EYA4: variants seen among roughly 807,000 people sequenced by gnomAD.
EYA4 encodes the protein protein phosphatase EYA4.
Under a neutral mutation model 87.9 loss-of-function variants are expected in EYA4, and 31 were observed. The ratio of observed to expected loss-of-function variants is 0.35; its 90% CI spans 0.27 to 0.48. The LOEUF is 0.48. Among genes scored for constraint, EYA4 ranks in the 20% least tolerant of loss-of-function variants. The pLI is 0.99. For missense variants in EYA4, 678 were observed against 761.4 expected (o/e 0.89, Z 1.29); for synonymous variants, 263 against 270.6 (o/e 0.97, Z 0.28).
At chr6:133,432,329 T>G (rs1044425583) in intron 3 of EYA4, among the ~76,000 whole-genome samples, 3 of 152,136 alleles carry the variant, frequency 2.0e-5, no homozygotes, top group Admixed American at 6.6e-5. Flanking sequence ...CAATTGAATA[T>G]TTATGCCAGC....
At chr6:133,410,584 CTAACCAAAAAAAAAAAA>C (rs1583205265) in intron 3 of EYA4, among the ~76,000 whole-genome samples, 2 of 147,732 alleles carry the variant, frequency 1.4e-5, no homozygotes, top group East Asian at 4.0e-4. Flanking sequence ...AGAGCTCCTC[CTAACCAAAAAAAAAAAA>C]ACTTCTGTAT....
At chr6:133,444,652 T>C (rs1412782323) in intron 3 of EYA4, among the ~76,000 whole-genome samples, 1 of 152,102 alleles carries the variant, frequency 6.6e-6, no homozygotes, top group Non-Finnish European at 1.5e-5. Flanking sequence ...CATTGACCTG[T>C]CAGTAGATGA....
intron 18 of EYA4, 128 bp downstream of exon 18, chr6:133,523,305 C>A: frequency 1.1e-6 from 1 of 937,804 alleles, no homozygotes. Context: ...TACAAAGTCC[C>A]CTACAACTCA....
At chr6:133,389,000 A>G (rs1425537419) in intron 3 of EYA4, among the ~76,000 whole-genome samples, 3 of 151,734 alleles carry the variant, frequency 2.0e-5, no homozygotes, top group African/African-American at 7.3e-5. Context: ...CACCACTGCT[A>G]CTTGCCTCTC....
chr6:133,337,996 C>G (rs1782504313), intron 2 of EYA4, among the ~76,000 whole-genome samples: 1 of 151,922 alleles, frequency 6.6e-6, no homozygotes, highest in Admixed American at 6.6e-5. Flanking sequence ...ACCAGAAACT[C>G]TGTTTTCGGC....
intron 2 of EYA4, among the ~76,000 whole-genome samples, chr6:133,331,758 A>G (rs1781980413): frequency 6.6e-6 from 1 of 152,218 alleles, no homozygotes; most frequent in African/African-American, 2.4e-5. Flanking sequence ...TGTTGAAGCA[A>G]TTTTTGATTT....
At position 133,450,187 on chromosome 6, in the gene EYA4, G is replaced by A. The variant is rs561069403; in HGVS notation, c.277+2008G>A. 1.4e-4 allele frequency among the ~76,000 whole-genome samples: 22 copies of A among 151,958 alleles called. No homozygotes were observed. The East Asian group carries it at 3.5e-3, about 24-fold the overall frequency. On this transcript the variant is annotated intron_variant, in intron 5 of 19. Coordinates refer to ENST00000355286, the MANE Select transcript of EYA4 (RefSeq NM_004100.5). ...TTTTTAGTAGAGATGGGGTTTCACC[G>A]TGTTAGCCAGGGCGGTCTCGATCTC...
chr6:133,501,564 T>C (rs1171788541), intron 13 of EYA4, among the ~76,000 whole-genome samples: 3 of 152,192 alleles, frequency 2.0e-5, no homozygotes, highest in Admixed American at 6.5e-5. Flanking sequence ...TTATCTCTTA[T>C]GATTTAAAGA....
intron 1 of EYA4, among the ~76,000 whole-genome samples, chr6:133,263,486 C>T (rs1775963920): frequency 6.6e-6 from 1 of 152,076 alleles, no homozygotes. Flanking sequence ...GTTTTATATC[C>T]TAGGGGTTTT....
chr6:133,240,603 T>C (rs1562193185), upstream of EYA4: 2 of 152,444 alleles, frequency 1.3e-5, no homozygotes, highest in South Asian at 2.1e-4. Flanking sequence ...AAGTCGTTGC[T>C]GCCTGACCTT....
chr6:133,355,429 C>T (rs149395991), intron 2 of EYA4, among the ~76,000 whole-genome samples: 5 of 152,140 alleles, frequency 3.3e-5, no homozygotes, highest in Non-Finnish European at 5.9e-5. Flanking sequence ...TGGAATTAGC[C>T]TAAATGCCCA....
intron 13 of EYA4, among the ~76,000 whole-genome samples, chr6:133,501,293 CTGTT>C (rs1305699271): frequency 5.3e-5 from 8 of 152,050 alleles, no homozygotes; most frequent in African/African-American, 1.9e-4. Flanking sequence ...GTTTTCTTGT[CTGTT>C]TATCAGATAT....
chr6:133,490,665 A>G (rs946180334), intron 13 of EYA4, among the ~76,000 whole-genome samples: 1 of 152,202 alleles, frequency 6.6e-6, no homozygotes, highest in Non-Finnish European at 1.5e-5. Context: ...TAACAATTTT[A>G]AATGTATATG....
chr6:133,370,845 A>G (rs933322970), intron 2 of EYA4, among the ~76,000 whole-genome samples: 1 of 152,126 alleles, frequency 6.6e-6, no homozygotes, highest in East Asian at 1.9e-4. Flanking sequence ...CCCTCCATTT[A>G]TGGAACTATT....
At position 133,471,005 on chromosome 6, in the gene EYA4, G is replaced by T. The variant is rs1469484703; in HGVS notation, c.970+2274G>T. ...GGAGATTTTGGGCTGAGACGATGGG[G>T]TTCTCTAGATAAACAATCATGTCGT... On this transcript the variant is annotated intron_variant, in intron 11 of 19. Transcript: ENST00000355286. Among the ~76,000 whole-genome samples the T allele has an allele frequency of 7.7e-4, 64 of 83,582 alleles. 8 individuals carry two copies. Among genetic ancestry groups the T allele is most frequent in the Admixed American group, 4.6e-4 (3 of 6,538 alleles). 54.8% of individuals were successfully genotyped at this position (83,582 alleles called of 152,430 possible).
intron 18 of EYA4, among the ~76,000 whole-genome samples, chr6:133,524,633 C>T (rs1440209097): frequency 2.0e-5 from 3 of 152,074 alleles, no homozygotes; most frequent in Non-Finnish European, 2.9e-5. Flanking sequence ...CTTTTTTTAG[C>T]GGTGAACCTT....
At chr6:133,411,682 G>A (rs1278202589) in intron 3 of EYA4, among the ~76,000 whole-genome samples, 1 of 151,954 alleles carries the variant, frequency 6.6e-6, no homozygotes, top group African/African-American at 2.4e-5. Context: ...AGAATTGAAA[G>A]TTATTTGCAT....
intron 2 of EYA4, among the ~76,000 whole-genome samples, chr6:133,307,207 A>G (rs560841344): frequency 2.6e-5 from 4 of 152,326 alleles, no homozygotes; most frequent in East Asian, 1.9e-4. Context: ...AAGAATTCCA[A>G]CATCCGTCTT....
At chr6:133,478,682 AT>A (rs1795952452) in intron 11 of EYA4, among the ~76,000 whole-genome samples, 1 of 152,150 alleles carries the variant, frequency 6.6e-6, no homozygotes, top group Admixed American at 6.6e-5. Context: ...TTCTGCAGAT[AT>A]TTTGTCCAAA....
Sources: gnomAD v4.1 joint callset for allele counts (sites outside exome capture counted in the v4.1 genomes callset) on GRCh38, gnomAD v4.1.1 for gene constraint, MANE v1.5 for transcripts, NCBI Gene and HGNC (gene_info 2026-07-23, HGNC 2026-07-21) for gene names.